FOXC1: variants seen among roughly 807,000 people sequenced by gnomAD.
FOXC1 encodes the protein forkhead box protein C1.
Under a neutral mutation model 8.1 loss-of-function variants are expected in FOXC1, and 5 were observed. The ratio of observed to expected loss-of-function variants is 0.62; its 90% CI spans 0.32 to 1.30. FOXC1 has a LOEUF of 1.30. Among genes scored for constraint, FOXC1 ranks in the 50% most tolerant of loss-of-function variants. The pLI, the probability that FOXC1 is intolerant of heterozygous loss-of-function variation, is 0.05. For missense variants in FOXC1, 942 were observed against 858.0 expected (o/e 1.10, Z -1.22); for synonymous variants, 552 against 417.2 (o/e 1.32, Z -3.94).
Position 1,611,173 on chromosome 6 carries a change from C to T in FOXC1, c.728C>T (p.Ala243Val), listed in dbSNP as rs750385113. 29 of 1,458,290 alleles carry T rather than the reference C, an allele frequency of 2.0e-5. No homozygotes were observed. Among genetic ancestry groups the T allele is most frequent in the Non-Finnish European group, 2.5e-5 (27 of 1,101,874 alleles). 90.3% of individuals were successfully genotyped at this position (1,458,290 alleles called of 1,614,324 possible). ...TCGCCGCCCCAGCCCCTGTCCCCGG[C>T]CGCCGCCCTGGGCAGCGGCAGCGCC... ...CPSPPQPLSP[A>V]AALGSGSAAA... The change falls in exon 1 of 1, where the codon GCC (alanine) becomes GTC (valine). Residue 243 changes from alanine to valine, a missense_variant. By Grantham distance (64) the Ala-to-Val change is moderately conservative. Coordinates refer to ENST00000645831, the MANE Select transcript of FOXC1 (RefSeq NM_001453.3). This position sits in a 1 kb window ranked among gnomAD's most constrained non-coding sequence, Gnocchi z 7.1.
Position 1,611,009 on chromosome 6 carries a change from G to A in FOXC1, c.564G>A (p.Arg188=), listed in dbSNP as rs746681903. 4.4e-6 allele frequency: 7 copies of A among 1,606,462 alleles called. No individual in the cohort carries two copies. The highest frequency in any genetic ancestry group is 5.1e-6 in the Non-Finnish European group (6 of 1,177,234). The change falls in exon 1 of 1, where the codon AGG becomes AGA. Residue 188 remains arginine (R), a synonymous_variant. Transcript: ENST00000645831. The surrounding 1 kb of genome is among the most constrained non-coding windows in gnomAD (Gnocchi z 7.1). The part of the protein sequence containing the change: ...DAVKDKEEKD[R]LHLKEPPPPG... ...TGAAGGACAAGGAGGAGAAGGACAG[G>A]CTGCACCTCAAGGAGCCGCCCCCGC...
Position 1,610,907 on chromosome 6 carries a change from G to T in FOXC1, c.462G>T (p.Leu154=). 2 of 1,614,020 alleles carry T rather than the reference G, an allele frequency of 1.2e-6. No individual in the cohort carries two copies. Among genetic ancestry groups the T allele is most frequent in the Non-Finnish European group, 1.7e-6 (2 of 1,180,002 alleles). The change falls in exon 1 of 1, where the codon CTG becomes CTT. Residue 154 remains leucine (L), a synonymous_variant. Coordinates refer to ENST00000645831, the MANE Select transcript of FOXC1 (RefSeq NM_001453.3). Reference sequence around the variant, plus strand: ...CGGGCAAGGGCAGCTACTGGACGCTGGACCCGGACTCCTACAACATGTTCG... The same window carrying T: ...CGGGCAAGGGCAGCTACTGGACGCTTGACCCGGACTCCTACAACATGTTCG... ...KKPGKGSYWT[L]DPDSYNMFEN... is the part of the protein sequence containing the mutation.
Position 1,610,330 on chromosome 6 carries a change from G to C in FOXC1, c.-116G>C, listed in dbSNP as rs932695458. 2.1e-6 allele frequency: 1 copy of C among 480,284 alleles called. No homozygotes were observed. Among genetic ancestry groups the C allele is most frequent in the Non-Finnish European group, 2.7e-6 (1 of 370,118 alleles). The allele number at this position is 480,284 out of a possible 1,614,324, so 29.8% of individuals were successfully genotyped here. On this transcript the variant is annotated 5_prime_UTR_variant, in exon 1 of 1. Coordinates refer to ENST00000645831, the MANE Select transcript of FOXC1 (RefSeq NM_001453.3). ...AGCGCAGCCGGACGCACAGCGCAGC[G>C]GGCCGGCACCAGCTCGGCCGGGCCC...
At position 1,612,233 on chromosome 6, in the gene FOXC1, C is replaced by G; in HGVS notation, c.*126C>G. 7.0e-7 allele frequency: 1 copy of G among 1,419,646 alleles called. No individual in the cohort carries two copies. The highest frequency in any genetic ancestry group is 9.6e-7 in the Non-Finnish European group (1 of 1,040,768). The allele number at this position is 1,419,646 out of a possible 1,614,324, so 87.9% of individuals were successfully genotyped here. On this transcript the variant is annotated 3_prime_UTR_variant, in exon 1 of 1. Transcript: ENST00000645831. ...AAAACCCCTGAGAATATTCACCACA[C>G]CAGCGAACAGAATATCCCTCCAAAA... is the stretch of plus-strand genomic sequence containing the variant.
At position 1,611,012 on chromosome 6, in the gene FOXC1, G is replaced by A. The variant is rs543542572; in HGVS notation, c.567G>A (p.Leu189=). The A allele has an allele frequency of 3.0e-4, 481 of 1,602,150 alleles. No individual in the cohort carries two copies. Among genetic ancestry groups the A allele is most frequent in the Non-Finnish European group, 3.9e-4 (464 of 1,175,046 alleles). ...AGGACAAGGAGGAGAAGGACAGGCTGCACCTCAAGGAGCCGCCCCCGCCCG... is the reference window on the plus strand; with the variant it reads ...AGGACAAGGAGGAGAAGGACAGGCTACACCTCAAGGAGCCGCCCCCGCCCG... ...AVKDKEEKDR[L]HLKEPPPPGR... is the part of the protein sequence containing the mutation. The change falls in exon 1 of 1, where the codon CTG becomes CTA. Residue 189 remains leucine, a synonymous_variant. Coordinates refer to ENST00000645831, the MANE Select transcript of FOXC1 (RefSeq NM_001453.3). The surrounding 1 kb of genome is among the most constrained non-coding windows in gnomAD (Gnocchi z 7.1).
Position 1,611,258 on chromosome 6 carries a change from C to A in FOXC1, c.813C>A (p.Ser271Arg). 2 of 1,423,322 alleles carry A rather than the reference C, an allele frequency of 1.4e-6. No homozygotes were observed. Among genetic ancestry groups the A allele is most frequent in the South Asian group, 1.4e-5 (1 of 73,724 alleles). The allele number at this position is 1,423,322 out of a possible 1,614,324, so 88.2% of individuals were successfully genotyped here. ...GCAGCAGCAGCCTGTCCAGCGGGAGCAGCCCCCCGGGCAGCCTGCCGTCGG... is the reference window on the plus strand; with the variant it reads ...GCAGCAGCAGCCTGTCCAGCGGGAGAAGCCCCCCGGGCAGCCTGCCGTCGG... ...DSSSSSLSSG[S>R]SPPGSLPSAR... Residue 271 changes from serine (S) to arginine (R), a missense_variant, in exon 1 of 1, where the codon AGC becomes AGA. Transcript: ENST00000645831. The surrounding 1 kb of genome is among the most constrained non-coding windows in gnomAD (Gnocchi z 7.1).
At position 1,611,257 on chromosome 6, in the gene FOXC1, G is replaced by T. The variant is rs1220839909; in HGVS notation, c.812G>T (p.Ser271Ile). The change falls in exon 1 of 1, where the codon AGC becomes ATC. Residue 271 changes from serine to isoleucine, a missense_variant. Coordinates refer to ENST00000645831, the MANE Select transcript of FOXC1 (RefSeq NM_001453.3). The surrounding 1 kb of genome is among the most constrained non-coding windows in gnomAD (Gnocchi z 7.1). ...DSSSSSLSSG[S>I]SPPGSLPSAR... ...AGCAGCAGCAGCCTGTCCAGCGGGA[G>T]CAGCCCCCCGGGCAGCCTGCCGTCG... The T allele has an allele frequency of 7.0e-7, 1 of 1,424,136 alleles. No homozygotes were observed. The highest frequency in any genetic ancestry group is 9.2e-7 in the Non-Finnish European group (1 of 1,088,578). 88.2% of individuals were successfully genotyped at this position (1,424,136 alleles called of 1,614,324 possible).
At position 1,613,283 on chromosome 6, in the gene FOXC1, GCTGAATA is replaced by G. The variant is rs1762586273; in HGVS notation, c.*1177_*1183del. The G allele has an allele frequency of 4.3e-6, 1 of 233,440 alleles. No individual in the cohort carries two copies. The highest frequency in any genetic ancestry group is 2.2e-5 in the African/African-American group (1 of 44,500). The allele number at this position is 233,440 out of a possible 1,614,324, so 14.5% of individuals were successfully genotyped here. On this transcript the variant is annotated 3_prime_UTR_variant, in exon 1 of 1. Transcript: ENST00000645831. The stretch of plus-strand genomic sequence containing the variant: ...TATTATACATCCCTGTGAGCCAGAT[GCTGAATA>G]GATATTTTCCTATTATTTCAGTCCT...
rs1762546030 is a variant in FOXC1, at chr6:1,611,492, G to C, written c.1047G>C (p.Ala349=). 1 of 1,376,428 alleles carries C rather than the reference G, an allele frequency of 7.3e-7. No individual in the cohort carries two copies. The highest frequency in any genetic ancestry group is 9.4e-7 in the Non-Finnish European group (1 of 1,060,084). 85.3% of individuals were successfully genotyped at this position (1,376,428 alleles called of 1,614,324 possible). A position where few individuals can be genotyped will look rare whatever the true frequency, so the allele number is the denominator to read the frequency against. Residue 349 remains alanine, a synonymous_variant, in exon 1 of 1, where the codon GCG becomes GCC. Transcript: ENST00000645831. The surrounding 1 kb of genome is among the most constrained non-coding windows in gnomAD (Gnocchi z 7.1). ...SSRAGIAPPL[A]LGAYSPGQSS... ...GCGCGGGGATCGCACCCCCGCTGGC[G>C]CTCGGCGCCTACTCGCCCGGCCAGA...
Position 1,611,848 on chromosome 6 carries a change from G to A in FOXC1, c.1403G>A (p.Gly468Asp), listed in dbSNP as rs919121619. 1 of 1,536,750 alleles carries A rather than the reference G, an allele frequency of 6.5e-7. No homozygotes were observed. Among genetic ancestry groups the A allele is most frequent in the Admixed American group, 2.0e-5 (1 of 50,250 alleles). The change falls in exon 1 of 1, where the codon GGC becomes GAC. Residue 468 changes from glycine (G) to aspartate (D), a missense_variant. By Grantham distance (94) the Gly-to-Asp change is moderately conservative. This residue lies in a region of FOXC1 where 726 missense variants were observed against 599.6 expected (regional missense o/e 1.21). Coordinates refer to ENST00000645831, the MANE Select transcript of FOXC1 (RefSeq NM_001453.3). The surrounding 1 kb of genome is among the most constrained non-coding windows in gnomAD (Gnocchi z 7.1). ...EAGHHPAAHQ[G>D]RLTSWYLNQA... Reference sequence around the variant, plus strand: ...GGCCACCACCCTGCGGCCCACCAAGGCCGCCTCACCTCGTGGTACCTGAAC... The same window carrying A: ...GGCCACCACCCTGCGGCCCACCAAGACCGCCTCACCTCGTGGTACCTGAAC...
At position 1,612,809 on chromosome 6, in the gene FOXC1, C is replaced by T. The variant is rs1581375667; in HGVS notation, c.*702C>T. 4 of 208,468 alleles carry T rather than the reference C, an allele frequency of 1.9e-5. No individual in the cohort carries two copies. The East Asian group carries it at 3.3e-4, about 17-fold the overall frequency. 12.9% of individuals were successfully genotyped at this position (208,468 alleles called of 1,614,324 possible). ...TCATTGTTTGTTTATTAATAAATTA[C>T]CATTCAGTTTGAATGAGACCTATAT... On this transcript the variant is annotated 3_prime_UTR_variant, in exon 1 of 1. Transcript: ENST00000645831.
rs987612826 is a variant in FOXC1, at chr6:1,612,522, C to T, written c.*415C>T. ...TCTCACCTGTAAGATATTATTTTATCCTATGTTGAAGGGAGGGGGAAAGTC... is the reference window on the plus strand; with the variant it reads ...TCTCACCTGTAAGATATTATTTTATTCTATGTTGAAGGGAGGGGGAAAGTC... On this transcript the variant is annotated 3_prime_UTR_variant, in exon 1 of 1. Transcript: ENST00000645831. 9.7e-6 allele frequency: 3 copies of T among 309,084 alleles called. No individual in the cohort carries two copies. The highest frequency in any genetic ancestry group is 5.3e-5 in the East Asian group (1 of 18,902). 19.1% of individuals were successfully genotyped at this position (309,084 alleles called of 1,614,324 possible).
Position 1,610,685 on chromosome 6 carries a change from C to T in FOXC1, c.240C>T (p.Pro80=), listed in dbSNP as rs1196482664. ...QPQPKDMVKP[P]YSYIALITMA... ...AGCCCAAGGACATGGTGAAGCCGCC[C>T]TATAGCTACATCGCGCTCATCACCA... Residue 80 remains proline, a synonymous_variant, in exon 1 of 1, where the codon CCC becomes CCT. Coordinates refer to ENST00000645831, the MANE Select transcript of FOXC1 (RefSeq NM_001453.3). The T allele has an allele frequency of 1.2e-5, 19 of 1,613,798 alleles. No homozygotes were observed. Among genetic ancestry groups the T allele is most frequent in the Non-Finnish European group, 1.6e-5 (19 of 1,180,006 alleles).
rs753526474 is a variant in FOXC1, at chr6:1,611,745, C to T, written c.1300C>T (p.Pro434Ser). ...CGACCCCCTGCCCGACTACTCTCTG[C>T]CTCCGGTCACCAGCAGCAGCTCGTC... ...VDDPLPDYSL[P>S]PVTSSSSSSL... Residue 434 changes from proline (P) to serine (S), a missense_variant, in exon 1 of 1, where the codon CCT becomes TCT. Around this residue, in one of 4 missense-constraint regions of FOXC1, gnomAD observed 726 missense variants for 599.6 expected, o/e 1.21. Coordinates refer to ENST00000645831, the MANE Select transcript of FOXC1 (RefSeq NM_001453.3). This position sits in a 1 kb window ranked among gnomAD's most constrained non-coding sequence, Gnocchi z 7.1. The T allele has an allele frequency of 5.4e-6, 8 of 1,471,842 alleles. No individual in the cohort carries two copies. The highest frequency in any genetic ancestry group is 1.3e-5 in the South Asian group (1 of 77,216). 91.2% of individuals were successfully genotyped at this position (1,471,842 alleles called of 1,614,324 possible).
chr6:1,610,373 C>CGG lies in FOXC1; in HGVS notation c.-73_-72insGG. The CGG allele has an allele frequency of 1.1e-6, 1 of 874,242 alleles. No individual in the cohort carries two copies. Among genetic ancestry groups the CGG allele is most frequent in the Non-Finnish European group, 1.4e-6 (1 of 729,996 alleles). 54.2% of individuals were successfully genotyped at this position (874,242 alleles called of 1,614,324 possible). On this transcript the variant is annotated 5_prime_UTR_variant, in exon 1 of 1. Coordinates refer to ENST00000645831, the MANE Select transcript of FOXC1 (RefSeq NM_001453.3). The stretch of plus-strand genomic sequence containing the variant: ...CCGGGCCCGGACTCGGACTCGGCGG[C>CGG]CGGCGCGGCGCGGCCCGGCCCGAGC...
chr6:1,610,592 C>T lies in FOXC1; in HGVS notation c.147C>T (p.His49=), dbSNP rs1400944385. 6 of 1,604,758 alleles carry T rather than the reference C, an allele frequency of 3.7e-6. No individual in the cohort carries two copies. The African/African-American group carries it at 5.4e-5, about 14-fold the overall frequency. The change falls in exon 1 of 1, where the codon CAC becomes CAT. Residue 49 remains histidine (H), a synonymous_variant. Transcript: ENST00000645831. ...CGGCCCCCATGAGCGTGTACTCGCACCCTGCGCACGCCGAGCAGTACCCGG... is the reference window on the plus strand; with the variant it reads ...CGGCCCCCATGAGCGTGTACTCGCATCCTGCGCACGCCGAGCAGTACCCGG... ...AMPAPMSVYS[H]PAHAEQYPGG... is the part of the protein sequence containing the mutation.
Position 1,611,989 on chromosome 6 carries a change from G to A in FOXC1, c.1544G>A (p.Arg515Lys). Reference protein sequence around the residue: ...HSVREMFESQRIGLNNSPVNG... With the variant: ...HSVREMFESQKIGLNNSPVNG... The stretch of plus-strand genomic sequence containing the variant: ...GTGCGGGAGATGTTCGAGTCACAGA[G>A]GATCGGCTTGAACAACTCTCCAGTG... The change falls in exon 1 of 1, where the codon AGG (arginine) becomes AAG (lysine). Residue 515 changes from arginine to lysine, a missense_variant. By Grantham distance (26) the Arg-to-Lys change is conservative. Transcript: ENST00000645831. The surrounding 1 kb of genome is among the most constrained non-coding windows in gnomAD (Gnocchi z 7.1). The A allele has an allele frequency of 6.2e-7, 1 of 1,607,964 alleles. No individual in the cohort carries two copies. Among genetic ancestry groups the A allele is most frequent in the Non-Finnish European group, 8.5e-7 (1 of 1,178,328 alleles).
chr6:1,610,561 C>T lies in FOXC1; in HGVS notation c.116C>T (p.Ala39Val). 1 of 1,568,640 alleles carries T rather than the reference C, an allele frequency of 6.4e-7. No homozygotes were observed. Among genetic ancestry groups the T allele is most frequent in the Non-Finnish European group, 8.6e-7 (1 of 1,158,278 alleles). Reference sequence around the variant, plus strand: ...GCGGCGGCCGGGGGCGGCTACACCGCCATGCCGGCCCCCATGAGCGTGTAC... The same window carrying T: ...GCGGCGGCCGGGGGCGGCTACACCGTCATGCCGGCCCCCATGAGCGTGTAC... ...AAAAAGGGYT[A>V]MPAPMSVYSH... Residue 39 changes from alanine to valine, a missense_variant, in exon 1 of 1, where the codon GCC becomes GTC. Coordinates refer to ENST00000645831, the MANE Select transcript of FOXC1 (RefSeq NM_001453.3).
rs746111864 is a variant in FOXC1 at position 1,611,997 on chromosome 6, T to C, written c.1552T>C (p.Leu518=). The C allele has an allele frequency of 3.4e-5, 55 of 1,611,096 alleles. No homozygotes were observed. The highest frequency in any genetic ancestry group is 1.0e-5 in the Non-Finnish European group (12 of 1,179,400). Residue 518 remains leucine, a synonymous_variant, in exon 1 of 1, where the codon TTG becomes CTG. Coordinates refer to ENST00000645831, the MANE Select transcript of FOXC1 (RefSeq NM_001453.3). The surrounding 1 kb of genome is among the most constrained non-coding windows in gnomAD (Gnocchi z 7.1). ...REMFESQRIG[L]NNSPVNGNSS... ...GATGTTCGAGTCACAGAGGATCGGC[T>C]TGAACAACTCTCCAGTGAACGGGAA...
Sources: gnomAD v4.1 joint callset for allele counts on GRCh38, gnomAD v4.1.1 for gene constraint, gnomAD v4.1.1 regional missense constraint, Gnocchi (gnomAD v3.1) non-coding constraint, MANE v1.5 for transcripts, NCBI Gene and HGNC (gene_info 2026-07-23, HGNC 2026-07-21) for gene names.